Variants in FBN1 observed in about 807,000 individuals in gnomAD.
FBN1 encodes fibrillin 1.
In FBN1, 29 loss-of-function variants were observed where a neutral mutation model predicts 365.1. The observed-to-expected ratio is 0.08, with a 90% CI of 0.06 to 0.11. FBN1 has a LOEUF of 0.11. FBN1 is among the 10% of genes least tolerant of loss of function. The probability of loss-of-function intolerance (pLI) is 1.00; values close to 1 mark genes in which losing one functional copy is unlikely to be tolerated. For missense variants in FBN1, 2,476 were observed against 3,703.2 expected, an observed-to-expected ratio of 0.67 and a Z score of 8.60; for synonymous variants, 1,210 against 1,270.5, an observed-to-expected ratio of 0.95 and a Z score of 1.01.
At position 48,409,766 on chromosome 15, in the gene FBN1, A is replaced by T. The variant is rs2042845737; in HGVS notation, c.*1224T>A. 1 of 152,198 alleles carries T rather than the reference A, an allele frequency of 6.6e-6. No individual in the cohort carries two copies. The highest frequency in any genetic ancestry group is 6.5e-5 in the Admixed American group (1 of 15,282). 9.4% of individuals were successfully genotyped at this position (152,198 alleles called of 1,614,324 possible). A position where few individuals can be genotyped will look rare whatever the true frequency, so the allele number is the denominator to read the frequency against. On this transcript the variant is annotated 3_prime_UTR_variant, in exon 66 of 66. Coordinates refer to ENST00000316623, the MANE Select transcript of FBN1 (RefSeq NM_000138.5). ...TAATGAAATTCATGTGCTCTAAGAC[A>T]ATGACTGAACTTGGTATTTAAGACT...
chr15:48,485,179 T>C (rs1316567530), intron 30 of FBN1, among the ~76,000 whole-genome samples, 195 bp downstream of exon 30: 2 of 152,236 alleles, frequency 1.3e-5, no homozygotes, highest in South Asian at 2.1e-4. Context: ...CTGTAAATAC[T>C]ATTTTATGCA....
intron 4 of FBN1, among the ~76,000 whole-genome samples, chr15:48,608,102 T>C (rs2044628218): frequency 6.6e-6 from 1 of 152,220 alleles, no homozygotes; most frequent in Non-Finnish European, 1.5e-5. Flanking sequence ...TTGAACCTTC[T>C]GGAAATGCAA....
chr15:48,501,468 G>A (rs531791024), intron 17 of FBN1, among the ~76,000 whole-genome samples: 3 of 152,276 alleles, frequency 2.0e-5, no homozygotes, highest in African/African-American at 7.2e-5. Flanking sequence ...CTCCAGAACT[G>A]GGAGAAATTA....
chr15:48,440,609 C>A (rs2043104861), intron 50 of FBN1, among the ~76,000 whole-genome samples: 1 of 152,184 alleles, frequency 6.6e-6, no homozygotes, highest in South Asian at 2.1e-4. Flanking sequence ...CAACCCTCTC[C>A]TTCTTACTTC....
chr15:48,458,292 G>A (rs1001439544), intron 43 of FBN1, among the ~76,000 whole-genome samples: 4 of 152,202 alleles, frequency 2.6e-5, no homozygotes, highest in Admixed American at 6.5e-5. Context: ...TTTTAAAGGA[G>A]AAATTTGATG....
intron 38 of FBN1, 123 bp downstream of exon 38, chr15:48,467,815 C>A (rs1254283945): frequency 3.2e-6 from 3 of 938,136 alleles, no homozygotes; most frequent in East Asian, 2.4e-5. Context: ...AAGGTCCCCT[C>A]TACAGGGCTG....
chr15:48,472,478 A>T, intron 35 of FBN1, 73 bp downstream of exon 35: 5 of 1,448,232 alleles, frequency 3.5e-6, no homozygotes, highest in Non-Finnish European at 4.7e-6. Flanking sequence ...AAAAAAAAAA[A>T]GCATCAGGAA....
chr15:48,528,275 A>G (rs1455442489), intron 8 of FBN1, among the ~76,000 whole-genome samples: 1 of 152,250 alleles, frequency 6.6e-6, no homozygotes, highest in Non-Finnish European at 1.5e-5. Context: ...AATAGAATTA[A>G]CATTGGCAGA....
chr15:48,503,889 T>G lies in FBN1; in HGVS notation c.2011A>C (p.Ile671Leu). 1 of 1,614,228 alleles carries G rather than the reference T, an allele frequency of 6.2e-7. No homozygotes were observed. The highest frequency in any genetic ancestry group is 1.1e-5 in the South Asian group (1 of 91,088). Residue 671 changes from isoleucine (I) to leucine (L), a missense_variant, in exon 17 of 66, where the codon ATC becomes CTC. Ile to Leu is a conservative substitution (Grantham distance 5). Coordinates refer to ENST00000316623, the MANE Select transcript of FBN1 (RefSeq NM_000138.5). ...CYGGYKRGQCIKPLFGAVTKS... is the reference protein window; with the variant it reads ...CYGGYKRGQCLKPLFGAVTKS... ...GTGACAGCACCAAACAAAGGTTTGA[T>G]ACACTGGCCTCTCTTGTATCCACCA...
intron 10 of FBN1, among the ~76,000 whole-genome samples, chr15:48,519,813 G>C (rs1055115292): frequency 2.3e-4 from 35 of 152,296 alleles, no homozygotes; most frequent in African/African-American, 8.2e-4. Context: ...TTAGATTTGG[G>C]ACTCTAAATA....
rs1333654391 is a variant in FBN1, at chr15:48,496,241, A to C, written c.2294-16T>G. On this transcript the variant is annotated splice_polypyrimidine_tract_variant and intron_variant, in intron 19 of 65. Coordinates refer to ENST00000316623, the MANE Select transcript of FBN1 (RefSeq NM_000138.5). ...TCATTAATATCTGCAAAGTCAATGA[A>C]AATAAACACTTAAAAAGGGCCCAAA... 1.2e-6 allele frequency: 2 copies of C among 1,613,454 alleles called. No individual in the cohort carries two copies. Among genetic ancestry groups the C allele is most frequent in the Non-Finnish European group, 8.5e-7 (1 of 1,179,640 alleles).
chr15:48,521,074 G>A (rs866283839), intron 9 of FBN1, among the ~76,000 whole-genome samples: 2 of 152,192 alleles, frequency 1.3e-5, no homozygotes, highest in African/African-American at 4.8e-5. Context: ...GTGGGAACGA[G>A]TGATTAAAAC....
At chr15:48,486,689 G>T (rs539624592) in intron 29 of FBN1, among the ~76,000 whole-genome samples, 1 of 152,244 alleles carries the variant, frequency 6.6e-6, no homozygotes, top group East Asian at 1.9e-4. Flanking sequence ...AGCACTCACC[G>T]TGTTTAGTTT....
At chr15:48,435,438 G>T (rs1277842149) in intron 53 of FBN1, among the ~76,000 whole-genome samples, 1 of 151,946 alleles carries the variant, frequency 6.6e-6, no homozygotes, top group Non-Finnish European at 1.5e-5. Context: ...AAACATGATG[G>T]ATTTTTGCCA....
intron 57 of FBN1, 75 bp from the exon 58 acceptor site, chr15:48,427,848 G>T: frequency 2.1e-6 from 3 of 1,448,436 alleles, no homozygotes; most frequent in African/African-American, 1.4e-5. Context: ...AATTTGGTCA[G>T]ATATAAAAAC....
At chr15:48,478,558 T>C (rs149528888) in intron 32 of FBN1, among the ~76,000 whole-genome samples, 328 of 148,792 alleles carry the variant, frequency 2.2e-3, no homozygotes, top group African/African-American at 7.5e-3. Flanking sequence ...GGACCACCCA[T>C]CAAAGATGAC....
At chr15:48,497,166 G>C in intron 19 of FBN1, 100 bp downstream of exon 19, 1 of 1,390,116 alleles carries the variant, frequency 7.2e-7, no homozygotes, top group Non-Finnish European at 1.0e-6. Context: ...GTGTCCATTT[G>C]CCCAGTCCTC....
At chr15:48,551,679 G>A (rs776198614) in intron 6 of FBN1, among the ~76,000 whole-genome samples, 8 of 151,748 alleles carry the variant, frequency 5.3e-5, no homozygotes, top group African/African-American at 9.7e-5. Flanking sequence ...CCCACCCTCC[G>A]CCCTCCAAAA....
At chr15:48,621,984 C>G (rs372584461) in intron 2 of FBN1, among the ~76,000 whole-genome samples, 1 of 147,964 alleles carries the variant, frequency 6.8e-6, no homozygotes, top group Non-Finnish European at 1.5e-5. Flanking sequence ...GGTGACAGAG[C>G]GAGACTCTGT....
Sources: gnomAD v4.1 joint callset for allele counts (sites outside exome capture counted in the v4.1 genomes callset) on GRCh38, gnomAD v4.1.1 for gene constraint, MANE v1.5 for transcripts, NCBI Gene and HGNC (gene_info 2026-07-23, HGNC 2026-07-21) for gene names.